Variants in EIF4G3 observed in about 807,000 individuals in gnomAD.
The protein encoded by EIF4G3 is eukaryotic translation initiation factor 4 gamma 3.
Under a neutral mutation model 186.4 loss-of-function variants are expected in EIF4G3, and 34 were observed. The observed-to-expected ratio is 0.18, with a 90% confidence interval of 0.14 to 0.24. The LOEUF (loss-of-function observed/expected upper bound fraction) is 0.24. Ranked by LOEUF, EIF4G3 falls within the 10% of genes least tolerant of loss-of-function variation. EIF4G3 has a pLI of 1.00. For synonymous variants in EIF4G3, 673 were observed against 679.5 expected (o/e 0.99, Z 0.15); for missense variants, 1,536 against 1,948.5 (o/e 0.79, Z 3.99).
chr1:21,073,730 A>G, intron 3 of EIF4G3: 5 of 491,934 alleles, frequency 1.0e-5, no homozygotes, highest in Non-Finnish European at 2.0e-5. Flanking sequence ...TAGAGACTGT[A>G]TTGTAGGGAA....
intron 4 of EIF4G3, among the ~76,000 whole-genome samples, chr1:21,044,166 G>A (rs2093740973): frequency 6.6e-6 from 1 of 152,112 alleles, no homozygotes; most frequent in South Asian, 2.1e-4. Flanking sequence ...TCCCCTTGGT[G>A]ACAAATCCTC....
At chr1:20,822,395 C>T (rs1333072974) in intron 33 of EIF4G3, among the ~76,000 whole-genome samples, 14 of 110,904 alleles carry the variant, frequency 1.3e-4, no homozygotes, top group African/African-American at 4.8e-4. Flanking sequence ...GACGGAGTCT[C>T]GCCCTTTTGT....
At chr1:20,808,719 G>A (rs1481664921) in intron 36 of EIF4G3, among the ~76,000 whole-genome samples, 4 of 152,070 alleles carry the variant, frequency 2.6e-5, no homozygotes, top group Non-Finnish European at 4.4e-5. Context: ...TGGAAAACAT[G>A]AGTAAAAGCT....
At chr1:21,158,631 C>T (rs1253089015) in intron 2 of EIF4G3, among the ~76,000 whole-genome samples, 1 of 152,100 alleles carries the variant, frequency 6.6e-6, no homozygotes, top group Non-Finnish European at 1.5e-5. Flanking sequence ...ACAACATAAA[C>T]TAGGCACAGT....
intron 18 of EIF4G3, chr1:20,893,234 G>T (rs998688480): frequency 4.3e-6 from 1 of 235,112 alleles, no homozygotes; most frequent in Non-Finnish European, 8.1e-6. Context: ...CCCTGGCCAT[G>T]GTTGGCACTA....
At chr1:21,081,168 C>T (rs2095764503) in intron 3 of EIF4G3, among the ~76,000 whole-genome samples, 2 of 152,300 alleles carry the variant, frequency 1.3e-5, no homozygotes, top group East Asian at 1.9e-4. Flanking sequence ...CGTGGTGGCT[C>T]ACGCCTGTAA....
In EIF4G3 at chr1:20,854,842, G is replaced by A. The variant is rs1018642876; in HGVS notation, c.3433+136C>T. ...GAAAGGATCTATGTTGAAAGGAAAG[G>A]GCTACCAATAAAATTTTAGGCATGA... On this transcript the variant is annotated intron_variant, in intron 26 of 36. Transcript: ENST00000602326. 2.0e-5 allele frequency: 11 copies of A among 551,628 alleles called. No homozygotes were observed. In the African/African-American group the frequency reaches 2.1e-4, roughly 11 times the overall value. The allele number at this position is 551,628 out of a possible 1,614,324, so 34.2% of individuals were successfully genotyped here.
intron 10 of EIF4G3, among the ~76,000 whole-genome samples, chr1:20,976,715 AT>A (rs1021259196): frequency 9.2e-5 from 14 of 152,214 alleles, no homozygotes; most frequent in African/African-American, 3.1e-4. Context: ...TCTAAAAAAA[AT>A]TCAAAACCTT....
At chr1:21,094,442 T>TA (rs2096296007) in intron 2 of EIF4G3, among the ~76,000 whole-genome samples, 1 of 151,686 alleles carries the variant, frequency 6.6e-6, no homozygotes, top group East Asian at 1.9e-4. Flanking sequence ...TATGCAGCCA[T>TA]AAAAAAGGAT....
intron 2 of EIF4G3, among the ~76,000 whole-genome samples, chr1:21,167,309 C>T (rs1036480329): frequency 1.3e-5 from 2 of 152,126 alleles, no homozygotes; most frequent in Non-Finnish European, 1.5e-5. Flanking sequence ...TCCCTCATCC[C>T]GCATGAATCC....
intron 24 of EIF4G3, among the ~76,000 whole-genome samples, chr1:20,859,241 T>C (rs960493931): frequency 6.6e-6 from 1 of 152,236 alleles, no homozygotes; most frequent in Non-Finnish European, 1.5e-5. Context: ...CTCCATGAAT[T>C]AGGCTTTGGT....
chr1:20,997,567 T>C, intron 7 of EIF4G3, 34 bp downstream of exon 7: 1 of 1,546,088 alleles, frequency 6.5e-7, no homozygotes, highest in Non-Finnish European at 8.7e-7. Flanking sequence ...ATCTATTAGT[T>C]AAGGGTGATA....
intron 20 of EIF4G3, among the ~76,000 whole-genome samples, chr1:20,877,312 T>C (rs1452094913): frequency 6.6e-6 from 1 of 152,186 alleles, no homozygotes; most frequent in Non-Finnish European, 1.5e-5. Context: ...CATATAACTA[T>C]GGCACATCAG....
chr1:21,131,576 G>A (rs1016795727), intron 2 of EIF4G3, among the ~76,000 whole-genome samples: 1 of 151,648 alleles, frequency 6.6e-6, no homozygotes, highest in Admixed American at 6.6e-5. Flanking sequence ...CAGCATGAAG[G>A]CAGCAAGAAG....
intron 2 of EIF4G3, among the ~76,000 whole-genome samples, chr1:21,134,308 TTTC>T (rs1175533814): frequency 2.0e-5 from 3 of 152,168 alleles, no homozygotes; most frequent in Non-Finnish European, 2.9e-5. Context: ...ATAATTCCAA[TTTC>T]TTCTTCAGCT....
intron 15 of EIF4G3, 68 bp from the exon 16 acceptor site, chr1:20,900,011 T>A: frequency 2.1e-6 from 3 of 1,449,544 alleles, no homozygotes; most frequent in Non-Finnish European, 2.8e-6. Context: ...AAAACCTACA[T>A]CTACTCCCTT....
intron 14 of EIF4G3, among the ~76,000 whole-genome samples, chr1:20,919,699 C>T (rs2094313076): frequency 6.6e-6 from 1 of 152,098 alleles, no homozygotes; most frequent in African/African-American, 2.4e-5. Context: ...GGAGACACAG[C>T]GTCTACAAAG....
chr1:21,154,502 T>C (rs375353858), intron 2 of EIF4G3, among the ~76,000 whole-genome samples: 11 of 152,232 alleles, frequency 7.2e-5, no homozygotes, highest in African/African-American at 1.9e-4. Flanking sequence ...TCAAAAGTAG[T>C]TGAACTTTAA....
intron 4 of EIF4G3, among the ~76,000 whole-genome samples, chr1:21,010,873 A>G (rs1205541655): frequency 1.3e-5 from 2 of 152,202 alleles, no homozygotes; most frequent in Admixed American, 1.3e-4. Flanking sequence ...TAAGCATAGC[A>G]CTTGTTTTCC....
Sources: gnomAD v4.1 joint callset for allele counts (sites outside exome capture counted in the v4.1 genomes callset) on GRCh38, gnomAD v4.1.1 for gene constraint, MANE v1.5 for transcripts, NCBI Gene and HGNC (gene_info 2026-07-23, HGNC 2026-07-21) for gene names.